Variants in NKAIN3 observed in about 807,000 individuals in gnomAD.
NKAIN3 encodes sodium/potassium transporting ATPase interacting 3.
Under a neutral mutation model 30.2 loss-of-function variants are expected in NKAIN3, and 25 were observed. The ratio of observed to expected loss-of-function variants is 0.83; its 90% CI spans 0.60 to 1.16. NKAIN3 has a LOEUF of 1.16. Ranked by LOEUF, NKAIN3 falls within the 50% of genes most tolerant of loss-of-function variation. NKAIN3 has a pLI of 0.00. For missense variants in NKAIN3, 225 were observed against 254.1 expected, an observed-to-expected ratio of 0.89 and a Z score of 0.78; for synonymous variants, 91 against 89.6, an observed-to-expected ratio of 1.02 and a Z score of -0.09.
chr8:62,525,309 CAGT>C (rs1452664282), intron 1 of NKAIN3, among the ~76,000 whole-genome samples: 1 of 152,004 alleles, frequency 6.6e-6, no homozygotes, highest in African/African-American at 2.4e-5. Flanking sequence ...GAGGAGGAGG[CAGT>C]AGAAGAGGCA....
At chr8:62,326,014 TTTAA>T (rs1459975448) in intron 1 of NKAIN3, among the ~76,000 whole-genome samples, 82 of 152,010 alleles carry the variant, frequency 5.4e-4, no homozygotes, top group Non-Finnish European at 3.5e-4. Flanking sequence ...GTTTAATTAG[TTTAA>T]TTAGCTCCCA....
intron 3 of NKAIN3, among the ~76,000 whole-genome samples, chr8:62,731,961 T>A (rs562312188): frequency 6.6e-6 from 1 of 152,278 alleles, no homozygotes; most frequent in Non-Finnish European, 1.5e-5. Context: ...TTTCATTTTT[T>A]TTTTTGCCCA....
intron 1 of NKAIN3, among the ~76,000 whole-genome samples, chr8:62,373,631 G>A (rs991168709): frequency 2.0e-5 from 3 of 152,114 alleles, no homozygotes; most frequent in Non-Finnish European, 4.4e-5. Flanking sequence ...TTTGATGTAA[G>A]GTTGCAAGGC....
chr8:62,824,797 T>A (rs951821294), intron 4 of NKAIN3, among the ~76,000 whole-genome samples: 23 of 152,288 alleles, frequency 1.5e-4, no homozygotes, highest in African/African-American at 5.5e-4. Context: ...ACCCACTTTA[T>A]GATCTGAGCA....
intron 3 of NKAIN3, among the ~76,000 whole-genome samples, chr8:62,649,162 T>A (rs1331904902): frequency 6.6e-6 from 1 of 152,214 alleles, no homozygotes; most frequent in Non-Finnish European, 1.5e-5. Flanking sequence ...ATCATCAGTG[T>A]CAAATGTTTC....
chr8:62,533,283 T>A (rs1808543345), intron 1 of NKAIN3, among the ~76,000 whole-genome samples: 1 of 152,144 alleles, frequency 6.6e-6, no homozygotes, highest in African/African-American at 2.4e-5. Context: ...AAGATGGAAT[T>A]TTAACCAGTA....
intron 1 of NKAIN3, among the ~76,000 whole-genome samples, chr8:62,474,513 C>T (rs1806452861): frequency 6.6e-6 from 1 of 152,038 alleles, no homozygotes; most frequent in South Asian, 2.1e-4. Context: ...GTACAAAGAC[C>T]ACATGGTCTT....
At chr8:62,388,173 A>C (rs1354112107) in intron 1 of NKAIN3, among the ~76,000 whole-genome samples, 1 of 152,252 alleles carries the variant, frequency 6.6e-6, no homozygotes, top group Non-Finnish European at 1.5e-5. Context: ...CATGTGAATC[A>C]ACATTTACAT....
At chr8:62,422,570 G>A (rs1292571052) in intron 1 of NKAIN3, among the ~76,000 whole-genome samples, 1 of 152,070 alleles carries the variant, frequency 6.6e-6, no homozygotes, top group Non-Finnish European at 1.5e-5. Context: ...AATAGCACTT[G>A]TCCCATCATC....
intron 3 of NKAIN3, among the ~76,000 whole-genome samples, chr8:62,621,088 T>G (rs1350283282): frequency 6.6e-6 from 1 of 152,186 alleles, no homozygotes; most frequent in Non-Finnish European, 1.5e-5. Flanking sequence ...AAGAGACAAG[T>G]CCTTTACAGA....
chr8:62,817,569 T>G (rs973745199), intron 4 of NKAIN3, among the ~76,000 whole-genome samples: 2 of 152,116 alleles, frequency 1.3e-5, no homozygotes, highest in African/African-American at 4.8e-5. Context: ...ATATTGTGGC[T>G]ATCACAAACC....
At position 62,760,341 on chromosome 8, in the gene NKAIN3, G is replaced by A. The variant is rs184194608; in HGVS notation, c.471+13212G>A. Among the ~76,000 whole-genome samples, 416 of 152,228 alleles carry A rather than the reference G, an allele frequency of 2.7e-3. 3 individuals are homozygous for A. Among genetic ancestry groups the A allele is most frequent in the African/African-American group, 9.7e-3 (401 of 41,520 alleles). ...CACATGCACGTGTATGTTTATTGCA[G>A]CACTATTCACAATAGCAAAGACTTG... On this transcript the variant is annotated intron_variant, in intron 4 of 6. Coordinates refer to ENST00000623646, the MANE Select transcript of NKAIN3 (RefSeq NM_001304533.3).
At chr8:62,948,788 T>A (rs1387948561) in intron 5 of NKAIN3, among the ~76,000 whole-genome samples, 1 of 152,196 alleles carries the variant, frequency 6.6e-6, no homozygotes, top group Non-Finnish European at 1.5e-5. Flanking sequence ...AAGAAGATCT[T>A]GCTTCAATTT....
At chr8:62,738,516 T>C (rs1383911624) in intron 3 of NKAIN3, among the ~76,000 whole-genome samples, 2 of 149,912 alleles carry the variant, frequency 1.3e-5, no homozygotes, top group African/African-American at 4.9e-5. Context: ...GGAGAATTGC[T>C]TGGACCTAGG....
At chr8:62,263,094 G>A (rs1812493565) in intron 1 of NKAIN3, among the ~76,000 whole-genome samples, 1 of 151,990 alleles carries the variant, frequency 6.6e-6, no homozygotes, top group African/African-American at 2.4e-5. Flanking sequence ...CTATATTTAG[G>A]AAATAATATT....
chr8:62,890,865 G>A (rs939905331), intron 4 of NKAIN3, among the ~76,000 whole-genome samples: 4 of 152,186 alleles, frequency 2.6e-5, no homozygotes, highest in African/African-American at 9.7e-5. Context: ...TGCTAATGTG[G>A]TATTTCCAAA....
At chr8:62,666,169 C>T (rs908106587) in intron 3 of NKAIN3, among the ~76,000 whole-genome samples, 22 of 152,198 alleles carry the variant, frequency 1.4e-4, no homozygotes, top group African/African-American at 5.1e-4. Flanking sequence ...GCCGAGATCA[C>T]GCCACTGCAC....
At position 62,900,743 on chromosome 8, in the gene NKAIN3, A is replaced by T. The variant is rs144817829; in HGVS notation, c.472-17710A>T. Among the ~76,000 whole-genome samples, 215 of 152,324 alleles carry T rather than the reference A, an allele frequency of 1.4e-3. 1 individual carries two copies. Among genetic ancestry groups the T allele is most frequent in the Non-Finnish European group, 1.3e-3 (90 of 68,020 alleles). ...TAGTATGATTATATCTATTTGACAG[A>T]TTACAAACTGAGGCTCAGTGAGGTT... On this transcript the variant is annotated intron_variant, in intron 4 of 6. Transcript: ENST00000623646.
At position 62,540,906 on chromosome 8, in the gene NKAIN3, T is replaced by C. The variant is rs529799108; in HGVS notation, c.55-38633T>C. Reference sequence around the variant, plus strand: ...TGTCCAAAATTGTTTTATTCCATCCTATCATTCAAATGGGAGTTTGGCTAT... The same window carrying C: ...TGTCCAAAATTGTTTTATTCCATCCCATCATTCAAATGGGAGTTTGGCTAT... On this transcript the variant is annotated intron_variant, in intron 1 of 6. Transcript: ENST00000623646. 2.6e-5 allele frequency among the ~76,000 whole-genome samples: 4 copies of C among 152,320 alleles called. No homozygotes were observed. In the South Asian group the frequency reaches 8.3e-4, roughly 32 times the overall value.
Sources: allele counts gnomAD v4.1 joint callset (sites outside exome capture counted in the v4.1 genomes callset), GRCh38; gene constraint gnomAD v4.1.1; transcripts MANE v1.5; gene names NCBI Gene and HGNC (gene_info 2026-07-23, HGNC 2026-07-21).